The following LDLRAD3 variants were observed in gnomAD, a reference collection of about 807,000 sequenced individuals.
The protein encoded by LDLRAD3 is low-density lipoprotein receptor class A domain-containing protein 3.
In LDLRAD3, 20 loss-of-function variants were observed where a neutral mutation model predicts 29.4. That is an observed-to-expected ratio of 0.68 (90% CI 0.48 to 0.99). The LOEUF (loss-of-function observed/expected upper bound fraction) is 0.99. Among genes scored for constraint, LDLRAD3 ranks in the 50% least tolerant of loss-of-function variants. The probability of loss-of-function intolerance (pLI) is 0.00; values close to 1 mark genes in which losing one functional copy is unlikely to be tolerated. For missense variants in LDLRAD3, 420 were observed against 454.3 expected, an observed-to-expected ratio of 0.92 and a Z score of 0.69; for synonymous variants, 157 against 192.7, an observed-to-expected ratio of 0.81 and a Z score of 1.53.
At chr11:36,196,970 A>T (rs1855043177) in intron 4 of LDLRAD3, 1 of 152,186 alleles carries the variant, frequency 6.6e-6, no homozygotes, top group African/African-American at 2.4e-5. Context: ...TTGGTCATTT[A>T]AAAGGAACCA....
At chr11:36,131,535 C>G (rs903562125) in intron 4 of LDLRAD3, among the ~76,000 whole-genome samples, 3 of 152,168 alleles carry the variant, frequency 2.0e-5, no homozygotes, top group African/African-American at 7.2e-5. Context: ...GTATTTATTT[C>G]TTAGGAATGA....
intron 1 of LDLRAD3, among the ~76,000 whole-genome samples, chr11:35,952,290 G>A (rs962785753): frequency 1.3e-5 from 2 of 152,238 alleles, no homozygotes; most frequent in South Asian, 4.1e-4. Flanking sequence ...AAGTCTGTAT[G>A]TGTTGGGAGA....
intron 4 of LDLRAD3, among the ~76,000 whole-genome samples, chr11:36,224,567 G>A (rs1855473703): frequency 6.6e-6 from 1 of 152,110 alleles, no homozygotes; most frequent in Admixed American, 6.5e-5. Context: ...CTTAATTGTA[G>A]TGCAGCATGA....
intron 1 of LDLRAD3, among the ~76,000 whole-genome samples, chr11:36,003,420 C>T (rs1037822319): frequency 6.6e-6 from 1 of 152,150 alleles, no homozygotes; most frequent in African/African-American, 2.4e-5. Flanking sequence ...AGTCAGGAGG[C>T]CTGTGAGCTT....
intron 1 of LDLRAD3, among the ~76,000 whole-genome samples, chr11:35,990,347 C>G (rs1851672332): frequency 6.6e-6 from 1 of 152,070 alleles, no homozygotes; most frequent in Non-Finnish European, 1.5e-5. Context: ...CCATGCTTCT[C>G]TCTTAGATTC....
At chr11:36,064,469 T>A (rs1852758103) in intron 2 of LDLRAD3, among the ~76,000 whole-genome samples, 1 of 147,728 alleles carries the variant, frequency 6.8e-6, no homozygotes. Context: ...CCACCACACC[T>A]GGCTAATTAA....
At chr11:36,112,188 C>G (rs1315435370) in intron 4 of LDLRAD3, among the ~76,000 whole-genome samples, 4 of 152,148 alleles carry the variant, frequency 2.6e-5, no homozygotes, top group Non-Finnish European at 5.9e-5. Context: ...CAACATTATT[C>G]CTGGATTTTC....
chr11:36,088,189 A>G (rs1853223894), intron 3 of LDLRAD3, among the ~76,000 whole-genome samples: 2 of 152,016 alleles, frequency 1.3e-5, no homozygotes, highest in African/African-American at 2.4e-5. Flanking sequence ...GAGCTTCACA[A>G]TGCTGAGATT....
In LDLRAD3 at chr11:35,973,764, C is replaced by T. The variant is rs78177010; in HGVS notation, c.46+29620C>T. ...GGGATTACAGGCGTGAGTCACCGTG[C>T]CCAATCACATTTGTAGTTTTGATAG... On this transcript the variant is annotated intron_variant, in intron 1 of 5. Coordinates refer to ENST00000315571, the MANE Select transcript of LDLRAD3 (RefSeq NM_174902.4). 3.1e-3 allele frequency among the ~76,000 whole-genome samples: 468 copies of T among 152,254 alleles called. 1 individual carries two copies. The highest frequency in any genetic ancestry group is 5.5e-3 in the Non-Finnish European group (375 of 68,024).
chr11:36,085,086 G>A (rs1415470554), intron 3 of LDLRAD3, among the ~76,000 whole-genome samples: 1 of 152,088 alleles, frequency 6.6e-6, no homozygotes, highest in Non-Finnish European at 1.5e-5. Context: ...TTCCTCCTCT[G>A]TGAAGAAATT....
At chr11:35,989,544 C>T (rs940677310) in intron 1 of LDLRAD3, among the ~76,000 whole-genome samples, 1 of 152,142 alleles carries the variant, frequency 6.6e-6, no homozygotes, top group South Asian at 2.1e-4. Flanking sequence ...TCTATGATAT[C>T]TTTCAGCAGT....
At chr11:36,147,242 C>A (rs928968844) in intron 4 of LDLRAD3, among the ~76,000 whole-genome samples, 1 of 148,988 alleles carries the variant, frequency 6.7e-6, no homozygotes, top group African/African-American at 2.5e-5. Flanking sequence ...CTCAGCCTCC[C>A]GAGTAGCTAG....
chr11:36,032,033 A>G (rs145952037), intron 1 of LDLRAD3, among the ~76,000 whole-genome samples: 72 of 152,260 alleles, frequency 4.7e-4, no homozygotes, highest in Middle Eastern at 3.4e-3. Context: ...GTGTCCTCAC[A>G]TGGTCTTCCC....
intron 2 of LDLRAD3, among the ~76,000 whole-genome samples, chr11:36,055,834 A>G (rs74837705): frequency 0.02 from 3,021 of 152,220 alleles, 90 homozygotes; most frequent in African/African-American, 0.069. Context: ...GTAATTTTCA[A>G]TGGAATGTTC....
At chr11:36,074,688 T>C (rs1333744010) in intron 2 of LDLRAD3, among the ~76,000 whole-genome samples, 2 of 152,216 alleles carry the variant, frequency 1.3e-5, no homozygotes, top group African/African-American at 2.4e-5. Flanking sequence ...TCAGCGTAGA[T>C]GGCAAAGCCT....
At chr11:35,961,492 G>A (rs1416869823) in intron 1 of LDLRAD3, among the ~76,000 whole-genome samples, 1 of 152,236 alleles carries the variant, frequency 6.6e-6, no homozygotes, top group Non-Finnish European at 1.5e-5. Context: ...CTTGGGGAGA[G>A]TAGACAAGAT....
intron 1 of LDLRAD3, among the ~76,000 whole-genome samples, chr11:36,029,338 T>G (rs978739404): frequency 6.6e-6 from 1 of 152,088 alleles, no homozygotes; most frequent in Non-Finnish European, 1.5e-5. Flanking sequence ...TAGTGAAAAG[T>G]CCATAATAAT....
intron 2 of LDLRAD3, among the ~76,000 whole-genome samples, chr11:36,057,690 C>T (rs1477162817): frequency 6.6e-6 from 1 of 152,220 alleles, no homozygotes; most frequent in African/African-American, 2.4e-5. Context: ...TCTTGGTCTT[C>T]CTCCCTGGAT....
intron 2 of LDLRAD3, among the ~76,000 whole-genome samples, chr11:36,057,284 T>G (rs1204567448): frequency 6.6e-6 from 1 of 152,196 alleles, no homozygotes; most frequent in Non-Finnish European, 1.5e-5. Context: ...TTATTGGGTT[T>G]GGGATGGGGC....
Sources: allele counts gnomAD v4.1 joint callset (sites outside exome capture counted in the v4.1 genomes callset), GRCh38; gene constraint gnomAD v4.1.1; transcripts MANE v1.5; gene names NCBI Gene and HGNC (gene_info 2026-07-23, HGNC 2026-07-21).